Variants in TATDN2 observed in about 807,000 individuals in gnomAD.
TATDN2 encodes 3'-5' RNA nuclease TATDN2.
A neutral mutation model predicts 60.3 loss-of-function variants in TATDN2; 44 were observed. The ratio of observed to expected loss-of-function variants is 0.73; its 90% CI spans 0.57 to 0.94. The LOEUF is 0.94. Ranked by LOEUF, TATDN2 falls within the 40% of genes least tolerant of loss-of-function variation. The pLI, the probability that TATDN2 is intolerant of heterozygous loss-of-function variation, is 0.00. For synonymous variants in TATDN2, 399 were observed against 355.8 expected (o/e 1.12, Z -1.37); for missense variants, 997 against 948.0 (o/e 1.05, Z -0.68).
rs1477780772 is a variant in TATDN2, at chr3:10,258,735, G to A, written c.415-1402G>A. On this transcript the variant is annotated intron_variant, in intron 2 of 7. Transcript: ENST00000448281. ...TCCACTTGCCTCGGCCTCCCAAAGT[G>A]CTGGGATTACAGGTGTGAGGCACTG... Among the ~76,000 whole-genome samples, 3 of 152,008 alleles carry A rather than the reference G, an allele frequency of 2.0e-5. No individual in the cohort carries two copies. The East Asian group carries it at 5.8e-4, about 29-fold the overall frequency.
At chr3:10,266,715 C>T (rs1453191913) in intron 3 of TATDN2, among the ~76,000 whole-genome samples, 2 of 152,164 alleles carry the variant, frequency 1.3e-5, no homozygotes, top group Non-Finnish European at 1.5e-5. Context: ...ACCTTATTTA[C>T]ACCATCAGGC....
chr3:10,251,128 A>G (rs1222809459), intron 2 of TATDN2, among the ~76,000 whole-genome samples: 1 of 152,124 alleles, frequency 6.6e-6, no homozygotes, highest in Non-Finnish European at 1.5e-5. Flanking sequence ...TAATGGTTTC[A>G]GTAGAAGCAC....
intron 2 of TATDN2, among the ~76,000 whole-genome samples, chr3:10,254,991 C>G (rs1333659831): frequency 3.0e-5 from 4 of 135,494 alleles, no homozygotes; most frequent in African/African-American, 1.3e-4. Context: ...CCCCCTTCCC[C>G]CTTCCTCCTT....
chr3:10,260,701 T>C, intron 3 of TATDN2, 31 bp downstream of exon 3: 1 of 1,587,924 alleles, frequency 6.3e-7, no homozygotes, highest in African/African-American at 1.4e-5. Context: ...GCATCTGACT[T>C]TTTAGTTCTG....
chr3:10,279,709 T>A lies in TATDN2; in HGVS notation c.*527T>A, dbSNP rs182731710. ...TTTCTTGCAACCAGTGAAGTCGTCC[T>A]CCTCCCTTCCCTGGATAACTCTTCA... On this transcript the variant is annotated 3_prime_UTR_variant, in exon 8 of 8. Transcript: ENST00000448281. 1 of 152,378 alleles carries A rather than the reference T, an allele frequency of 6.6e-6. No homozygotes were observed. Among genetic ancestry groups the A allele is most frequent in the East Asian group, 1.9e-4 (1 of 5,188 alleles). The allele number at this position is 152,378 out of a possible 1,614,324, so 9.4% of individuals were successfully genotyped here. A position where few individuals can be genotyped will look rare whatever the true frequency, so the allele number is the denominator to read the frequency against.
At chr3:10,257,808 A>G (rs1227969848) in intron 2 of TATDN2, among the ~76,000 whole-genome samples, 3 of 128,274 alleles carry the variant, frequency 2.3e-5, no homozygotes, top group Non-Finnish European at 3.3e-5. Context: ...ATAGATGTCT[A>G]TATTAACAAG....
At chr3:10,255,007 T>C (rs1463182392) in intron 2 of TATDN2, among the ~76,000 whole-genome samples, 27 of 68,752 alleles carry the variant, frequency 3.9e-4, no homozygotes, top group South Asian at 1.5e-3. Context: ...TCCTTCCCAC[T>C]TCCCACTCCC....
intron 3 of TATDN2, among the ~76,000 whole-genome samples, chr3:10,267,256 TC>T (rs112726750): frequency 0.033 from 4,977 of 150,054 alleles, 265 homozygotes; most frequent in African/African-American, 0.11. Context: ...TCCTCCTATT[TC>T]CCCCACACCC....
chr3:10,251,702 T>A (rs1314021680), intron 2 of TATDN2, among the ~76,000 whole-genome samples: 6 of 152,090 alleles, frequency 3.9e-5, no homozygotes, highest in Admixed American at 6.5e-5. Flanking sequence ...ATTCTTATTT[T>A]AAAAAAATTA....
chr3:10,257,206 A>G (rs113375389), intron 2 of TATDN2, among the ~76,000 whole-genome samples: 7,486 of 151,270 alleles, frequency 0.049, 632 homozygotes, highest in African/African-American at 0.17. Context: ...GAATTGCTTG[A>G]ACCTCAGAGG....
intron 3 of TATDN2, among the ~76,000 whole-genome samples, chr3:10,266,931 C>CTTTTTTTTTTTTTTTT (rs199956355): frequency 1.6e-5 from 2 of 126,904 alleles, no homozygotes; most frequent in African/African-American, 2.9e-5. Flanking sequence ...CTAAGGCAGT[C>CTTTTTTTTTTTTTTTT]TTTTTTTTTT....
chr3:10,278,932 T>C lies in TATDN2; in HGVS notation c.2193T>C (p.His731=). The part of the protein sequence containing the change: ...CQYAHPGLAL[H]TVREIARVKD... ...ATGCCCACCCGGGCCTGGCCTTGCA[T>C]ACGGTCCGAGAGATTGCCAGAGTCA... The change falls in exon 7 of 8, where the codon CAT becomes CAC. Residue 731 remains histidine, a synonymous_variant. Coordinates refer to ENST00000448281, the MANE Select transcript of TATDN2 (RefSeq NM_014760.4). This position sits in a 1 kb window ranked among gnomAD's most constrained non-coding sequence, Gnocchi z 4.7. 6.2e-7 allele frequency: 1 copy of C among 1,613,068 alleles called. No individual in the cohort carries two copies. The highest frequency in any genetic ancestry group is 8.5e-7 in the Non-Finnish European group (1 of 1,179,724).
chr3:10,264,985 C>G (rs1245760739), intron 3 of TATDN2, among the ~76,000 whole-genome samples: 1 of 120,584 alleles, frequency 8.3e-6, no homozygotes, highest in Non-Finnish European at 1.7e-5. Context: ...TCAAGTTTAT[C>G]TTCTAACGTT....
At chr3:10,253,762 C>A (rs1030145633) in intron 2 of TATDN2, among the ~76,000 whole-genome samples, 7 of 152,124 alleles carry the variant, frequency 4.6e-5, no homozygotes, top group African/African-American at 1.7e-4. Context: ...TTAGTAAATA[C>A]CTTCATATCA....
intron 2 of TATDN2, among the ~76,000 whole-genome samples, chr3:10,254,761 C>A (rs1038762826): frequency 2.0e-5 from 3 of 152,162 alleles, no homozygotes; most frequent in Admixed American, 2.0e-4. Flanking sequence ...ATCTTTCCTT[C>A]TTTCCTTTGG....
rs775091867 is a variant in TATDN2 at position 10,270,142 on chromosome 3, G to T, written c.960G>T (p.Arg320Ser). 2 of 1,611,930 alleles carry T rather than the reference G, an allele frequency of 1.2e-6. No homozygotes were observed. The highest frequency in any genetic ancestry group is 1.7e-6 in the Non-Finnish European group (2 of 1,178,970). ...SHLEIQKHKD[R>S]EVVMEHPSSG... ...CTTCTTTTCTGCAGCATAAAGATAG[G>T]GAGGTGGTGATGGAGCACCCCTCTT... Residue 320 changes from arginine to serine, a missense_variant, in exon 4 of 8, where the codon AGG (arginine) becomes AGT (serine). Arg to Ser is a moderately radical substitution (Grantham distance 110). Transcript: ENST00000448281.
In TATDN2 at chr3:10,270,945, C is replaced by G. The variant is rs1451744693; in HGVS notation, c.1763C>G (p.Ala588Gly). The change falls in exon 4 of 8, where the codon GCT becomes GGT. Residue 588 changes from alanine to glycine, a missense_variant. Coordinates refer to ENST00000448281, the MANE Select transcript of TATDN2 (RefSeq NM_014760.4). ...TTGCAAGCCTTAAGGCACCCTAAGG[C>G]TGTGGCATTTGGAGAAATGGGCTTG... ...NLLQALRHPK[A>G]VAFGEMGLDY... The G allele has an allele frequency of 6.2e-7, 1 of 1,613,688 alleles. No individual in the cohort carries two copies. The highest frequency in any genetic ancestry group is 8.5e-7 in the Non-Finnish European group (1 of 1,179,806).
chr3:10,257,612 CA>C (rs919342302), intron 2 of TATDN2, among the ~76,000 whole-genome samples: 16 of 108,280 alleles, frequency 1.5e-4, no homozygotes, highest in Admixed American at 5.7e-4. Flanking sequence ...AAAAAAAAAA[CA>C]AAAAAAAAAA....
At position 10,249,394 on chromosome 3, in the gene TATDN2, G is replaced by C. The variant is rs760647443; in HGVS notation, c.194G>C (p.Cys65Ser). 6 of 1,612,696 alleles carry C rather than the reference G, an allele frequency of 3.7e-6. No homozygotes were observed. The highest frequency in any genetic ancestry group is 5.1e-6 in the Non-Finnish European group (6 of 1,179,550). Residue 65 changes from cysteine (C) to serine (S), a missense_variant, in exon 2 of 8, where the codon TGC becomes TCC. By Grantham distance (112) the Cys-to-Ser change is moderately radical. Transcript: ENST00000448281. ...GCCCAGAAGGAGGACGATGTGGCTT[G>C]CTCGCGGAGGTTATCCTGGGGCTCA... Reference protein sequence around the residue: ...LKAQKEDDVACSRRLSWGSSR... With the variant: ...LKAQKEDDVASSRRLSWGSSR...
Sources: gnomAD v4.1 joint callset for allele counts (sites outside exome capture counted in the v4.1 genomes callset) on GRCh38, gnomAD v4.1.1 for gene constraint, Gnocchi (gnomAD v3.1) non-coding constraint, MANE v1.5 for transcripts, NCBI Gene and HGNC (gene_info 2026-07-23, HGNC 2026-07-21) for gene names.